The following PPP1R1C variants were observed in gnomAD, a reference collection of about 807,000 sequenced individuals.
The protein encoded by PPP1R1C is protein phosphatase 1 regulatory inhibitor subunit 1C.
PPP1R1C carries 15 observed loss-of-function variants against 17.4 expected under a neutral mutation model. The ratio of observed to expected loss-of-function variants is 0.86; its 90% CI spans 0.58 to 1.33. The LOEUF is 1.33. PPP1R1C is among the 40% of genes most tolerant of loss of function. PPP1R1C has a pLI of 0.00. For missense variants in PPP1R1C, 143 were observed against 130.0 expected (o/e 1.10, Z -0.48); for synonymous variants, 35 against 43.1 (o/e 0.81, Z 0.73).
At chr2:182,079,085 T>G (rs1688398406) in intron 4 of PPP1R1C, among the ~76,000 whole-genome samples, 1 of 152,126 alleles carries the variant, frequency 6.6e-6, no homozygotes, top group East Asian at 1.9e-4. Flanking sequence ...TATAGTTGAC[T>G]CTACAGAATT....
At chr2:182,023,598 T>C (rs1362437055) in intron 2 of PPP1R1C, among the ~76,000 whole-genome samples, 1 of 152,134 alleles carries the variant, frequency 6.6e-6, no homozygotes, top group East Asian at 1.9e-4. Context: ...CCTAGTGTGC[T>C]TAAGATAAAA....
upstream of PPP1R1C, among the ~76,000 whole-genome samples, chr2:181,985,126 G>T (rs1460674878): frequency 1.3e-5 from 2 of 152,226 alleles, no homozygotes. This position sits in a 1 kb window ranked among gnomAD's most constrained non-coding sequence, Gnocchi z 4.1. Context: ...CCAAGTCAGA[G>T]AATGTAACTG....
chr2:182,022,725 G>C (rs1233441801), intron 2 of PPP1R1C, among the ~76,000 whole-genome samples: 2 of 152,160 alleles, frequency 1.3e-5, no homozygotes, highest in African/African-American at 4.8e-5. Flanking sequence ...AGAAGCTTGA[G>C]AGACCATTAG....
chr2:182,117,176 T>C (rs1689609107), intron 4 of PPP1R1C, 31 bp from the exon 5 acceptor site: 1 of 1,422,634 alleles, frequency 7.0e-7, no homozygotes, highest in South Asian at 1.3e-5. Context: ...ATGAAAATCA[T>C]TTAAATTTTG....
intron 2 of PPP1R1C, among the ~76,000 whole-genome samples, chr2:182,012,525 G>A (rs1686115783): frequency 6.6e-6 from 1 of 151,826 alleles, no homozygotes; most frequent in Non-Finnish European, 1.5e-5. Flanking sequence ...GTTTCTTGTA[G>A]GCAACATAGT....
At chr2:182,018,583 T>C (rs1686326262) in intron 2 of PPP1R1C, among the ~76,000 whole-genome samples, 1 of 152,162 alleles carries the variant, frequency 6.6e-6, no homozygotes, top group Non-Finnish European at 1.5e-5. Flanking sequence ...TTTAGGTGTG[T>C]GGGGACCAGA....
At chr2:182,009,003 G>T (rs150259196) in intron 2 of PPP1R1C, among the ~76,000 whole-genome samples, 1 of 152,020 alleles carries the variant, frequency 6.6e-6, no homozygotes, top group African/African-American at 2.4e-5. Flanking sequence ...TTGTGTTTAC[G>T]TATCACATTT....
intron 4 of PPP1R1C, among the ~76,000 whole-genome samples, chr2:182,103,021 C>T (rs2125228699): frequency 6.6e-6 from 1 of 152,248 alleles, no homozygotes; most frequent in Admixed American, 6.5e-5. Flanking sequence ...CCAGGCTGGT[C>T]TCAAACTCCT....
chr2:182,029,388 G>C (rs906208433), intron 2 of PPP1R1C, among the ~76,000 whole-genome samples: 1 of 152,014 alleles, frequency 6.6e-6, no homozygotes, highest in Admixed American at 6.5e-5. Flanking sequence ...TCCTTCAGGA[G>C]CTCTTTTAGG....
chr2:182,116,842 C>T (rs979225256), intron 4 of PPP1R1C, among the ~76,000 whole-genome samples: 2 of 152,022 alleles, frequency 1.3e-5, no homozygotes, highest in African/African-American at 4.8e-5. Context: ...TTCAATAGTT[C>T]TTGTTGTAAT....
At chr2:182,070,815 C>T (rs1054074530) in intron 4 of PPP1R1C, among the ~76,000 whole-genome samples, 10 of 152,166 alleles carry the variant, frequency 6.6e-5, no homozygotes, top group African/African-American at 2.4e-4. Flanking sequence ...TCTGGGGAGG[C>T]CTCAGAAAAC....
chr2:182,062,571 T>C (rs1217577840), intron 3 of PPP1R1C, among the ~76,000 whole-genome samples: 8 of 152,138 alleles, frequency 5.3e-5, no homozygotes, highest in Non-Finnish European at 1.5e-5. Context: ...CACAAAACTC[T>C]ATTCTGGAGA....
intron 1 of PPP1R1C, among the ~76,000 whole-genome samples, chr2:181,968,493 C>G (rs1187543861): frequency 6.6e-6 from 1 of 152,062 alleles, no homozygotes; most frequent in African/African-American, 2.4e-5. Flanking sequence ...TCTATTTTGT[C>G]TAATATAAGT....
intron 4 of PPP1R1C, among the ~76,000 whole-genome samples, chr2:182,105,779 G>A (rs1235673449): frequency 6.6e-6 from 1 of 152,106 alleles, no homozygotes; most frequent in Non-Finnish European, 1.5e-5. Context: ...TCCAACTGAG[G>A]GTATATCACA....
At chr2:182,128,263 T>C (rs1013891211) in intron 5 of PPP1R1C, among the ~76,000 whole-genome samples, 2 of 152,086 alleles carry the variant, frequency 1.3e-5, no homozygotes, top group African/African-American at 4.8e-5. Flanking sequence ...ATGATAAGTT[T>C]CTGGAAGGAA....
At chr2:181,972,620 C>T (rs1269935185) in intron 1 of PPP1R1C, among the ~76,000 whole-genome samples, 1 of 152,020 alleles carries the variant, frequency 6.6e-6, no homozygotes, top group African/African-American at 2.4e-5. Flanking sequence ...AAGTAGCAAA[C>T]ATAGGGTGGA....
intron 2 of PPP1R1C, among the ~76,000 whole-genome samples, chr2:182,033,289 CTTAATT>C (rs1686900554): frequency 6.6e-6 from 1 of 152,162 alleles, no homozygotes; most frequent in African/African-American, 2.4e-5. Context: ...TACTTACTCT[CTTAATT>C]TTATTTACTC....
At chr2:182,052,159 T>TAAATAA (rs1171868973) in intron 2 of PPP1R1C, among the ~76,000 whole-genome samples, 4 of 152,196 alleles carry the variant, frequency 2.6e-5, no homozygotes, top group Non-Finnish European at 5.9e-5. Context: ...GCTAGCAATA[T>TAAATAA]AAATAAAAAC....
intron 4 of PPP1R1C, among the ~76,000 whole-genome samples, chr2:182,091,849 C>A (rs1226373546): frequency 6.6e-6 from 1 of 152,104 alleles, no homozygotes; most frequent in Non-Finnish European, 1.5e-5. Flanking sequence ...TTCTCATTTC[C>A]CACCATTTCC....
Sources: gnomAD v4.1 joint callset for allele counts (sites outside exome capture counted in the v4.1 genomes callset) on GRCh38, gnomAD v4.1.1 for gene constraint, Gnocchi (gnomAD v3.1) non-coding constraint, MANE v1.5 for transcripts, NCBI Gene and HGNC (gene_info 2026-07-23, HGNC 2026-07-21) for gene names.